The following EYS variants were observed in gnomAD, a reference collection of about 807,000 sequenced individuals.
The protein encoded by EYS is EGF-like photoreceptor maintenance factor.
EYS carries 250 observed loss-of-function variants against 282.1 expected under a neutral mutation model. The ratio of observed to expected loss-of-function variants is 0.89; its 90% CI spans 0.80 to 0.98. The LOEUF (loss-of-function observed/expected upper bound fraction) is 0.98. Among genes scored for constraint, EYS ranks in the 50% least tolerant of loss-of-function variants. The pLI, the probability that EYS is intolerant of heterozygous loss-of-function variation, is 0.00. For missense variants in EYS, 4,016 were observed against 3,709.0 expected, an observed-to-expected ratio of 1.08 and a Z score of -2.15; for synonymous variants, 1,355 against 1,282.9, an observed-to-expected ratio of 1.06 and a Z score of -1.20.
intron 26 of EYS, among the ~76,000 whole-genome samples, chr6:64,563,074 A>C (rs1765451631): frequency 6.6e-6 from 1 of 152,086 alleles, no homozygotes; most frequent in African/African-American, 2.4e-5. Flanking sequence ...GTAAAACAAT[A>C]GTAAATTGGA....
rs1771682344 is a variant in EYS at position 64,724,271 on chromosome 6, G to T, written c.3443+89107C>A. ...GTGTTGTGTTATATTTCTTTTGCCT[G>T]CCAGCCTCTCAAAGCATGTGCAGTT... On this transcript the variant is annotated intron_variant, in intron 22 of 42. Transcript: ENST00000503581. Among the ~76,000 whole-genome samples, 3 of 152,250 alleles carry T rather than the reference G, an allele frequency of 2.0e-5. No individual in the cohort carries two copies. In the South Asian group the frequency reaches 6.2e-4, roughly 32 times the overall value.
At chr6:65,129,002 A>G (rs931981981) in intron 12 of EYS, among the ~76,000 whole-genome samples, 1 of 151,990 alleles carries the variant, frequency 6.6e-6, no homozygotes, top group African/African-American at 2.4e-5. Context: ...GATCAGATTA[A>G]GTCATACAGC....
At chr6:63,864,386 A>C in intron 35 of EYS, 28 bp from the exon 36 acceptor site, 1 of 1,526,054 alleles carries the variant, frequency 6.6e-7, no homozygotes, top group Non-Finnish European at 8.9e-7. Context: ...TTAAAAATTC[A>C]TTAGGAAACA....
chr6:64,055,303 ATG>A (rs1038243373), intron 33 of EYS, among the ~76,000 whole-genome samples: 1 of 152,128 alleles, frequency 6.6e-6, no homozygotes, highest in Non-Finnish European at 1.5e-5. Context: ...AAATAGGTGT[ATG>A]TGTGTGTGAA....
intron 22 of EYS, among the ~76,000 whole-genome samples, chr6:64,738,680 AAAC>A (rs1240300154): frequency 1.3e-4 from 20 of 152,366 alleles, no homozygotes; most frequent in African/African-American, 4.8e-4. Flanking sequence ...TCTTTATTTA[AAAC>A]AACAATAGTG....
chr6:65,491,471 C>G (rs9363379), intron 4 of EYS: 1 of 335,562 alleles, frequency 3.0e-6, no homozygotes, highest in Non-Finnish European at 6.0e-6. Context: ...TAATTAAGCT[C>G]TTAATTTAAT....
At chr6:63,801,047 GAT>G (rs1386083842) in intron 37 of EYS, among the ~76,000 whole-genome samples, 1 of 152,184 alleles carries the variant, frequency 6.6e-6, no homozygotes, top group Non-Finnish European at 1.5e-5. Context: ...GTAGGGGCTT[GAT>G]AAGTGTCTTT....
chr6:64,842,365 C>T (rs149811595), intron 19 of EYS, among the ~76,000 whole-genome samples: 74 of 151,718 alleles, frequency 4.9e-4, no homozygotes, highest in Non-Finnish European at 9.4e-4. Flanking sequence ...AGTCCCCACC[C>T]GAATCTCATC....
chr6:64,095,853 T>C (rs1407363854), intron 31 of EYS, among the ~76,000 whole-genome samples: 1 of 152,236 alleles, frequency 6.6e-6, no homozygotes, highest in South Asian at 2.1e-4. Flanking sequence ...CTAGCCTCGA[T>C]GGTCTTTACA....
At chr6:65,326,453 G>A (rs1210504946) in intron 11 of EYS, among the ~76,000 whole-genome samples, 4 of 151,088 alleles carry the variant, frequency 2.6e-5, no homozygotes, top group Non-Finnish European at 5.9e-5. Flanking sequence ...TCATATATAT[G>A]AGTCAGTGTC....
chr6:64,010,022 G>C (rs934981827), intron 33 of EYS, among the ~76,000 whole-genome samples: 2 of 151,432 alleles, frequency 1.3e-5, no homozygotes, highest in African/African-American at 4.9e-5. Flanking sequence ...CCAGTGCTCA[G>C]CTCAGCACTC....
chr6:64,050,449 C>T (rs550451271), intron 33 of EYS, among the ~76,000 whole-genome samples: 1 of 152,272 alleles, frequency 6.6e-6, no homozygotes, highest in East Asian at 1.9e-4. Flanking sequence ...TAGTACCTGA[C>T]TCATAGTAGA....
chr6:65,668,207 T>C (rs1450212146), intron 1 of EYS, among the ~76,000 whole-genome samples: 1 of 151,934 alleles, frequency 6.6e-6, no homozygotes, highest in Non-Finnish European at 1.5e-5. Context: ...CTTGAATCAA[T>C]GATTAGTAGA....
chr6:65,546,423 A>T (rs1768389089), intron 2 of EYS, among the ~76,000 whole-genome samples: 1 of 152,056 alleles, frequency 6.6e-6, no homozygotes, highest in Non-Finnish European at 1.5e-5. Flanking sequence ...ATATAAAATA[A>T]ACATATGTCA....
chr6:65,537,414 A>T (rs549446006), intron 2 of EYS, among the ~76,000 whole-genome samples: 39 of 152,204 alleles, frequency 2.6e-4, no homozygotes, highest in African/African-American at 8.9e-4. Context: ...TAAACCCTAA[A>T]CATTAAACAT....
intron 22 of EYS, among the ~76,000 whole-genome samples, chr6:64,648,110 T>G (rs1270420641): frequency 3.9e-5 from 6 of 152,136 alleles, no homozygotes; most frequent in Non-Finnish European, 7.4e-5. Context: ...TCCAGCTAGG[T>G]GGTGTGTTCT....
chr6:64,265,398 G>C (rs73766038), intron 30 of EYS, among the ~76,000 whole-genome samples: 5,592 of 152,194 alleles, frequency 0.037, 332 homozygotes, highest in African/African-American at 0.13. Context: ...AATAAACTCT[G>C]ATTGGTGAAA....
chr6:64,153,733 G>A (rs79626668), intron 31 of EYS, among the ~76,000 whole-genome samples: 8,388 of 152,164 alleles, frequency 0.055, 769 homozygotes, highest in African/African-American at 0.19. Flanking sequence ...AGAGCAATTT[G>A]GAATTATCTA....
chr6:64,274,484 T>TTTTTTTTTTTTTG, intron 30 of EYS, among the ~76,000 whole-genome samples: 1 of 147,112 alleles, frequency 6.8e-6, no homozygotes, highest in African/African-American at 2.6e-5. Flanking sequence ...CCTGGCCGTT[T>TTTTTTTTTTTTTG]TTTTTTTTTT....
Sources: gnomAD v4.1 joint callset for allele counts (sites outside exome capture counted in the v4.1 genomes callset) on GRCh38, gnomAD v4.1.1 for gene constraint, MANE v1.5 for transcripts, NCBI Gene and HGNC (gene_info 2026-07-23, HGNC 2026-07-21) for gene names.